BAZ1B: variants seen among roughly 807,000 people sequenced by gnomAD.
BAZ1B encodes tyrosine-protein kinase BAZ1B.
Under a neutral mutation model 153.8 loss-of-function variants are expected in BAZ1B, and 22 were observed. That is an observed-to-expected ratio of 0.14 (90% CI 0.10 to 0.20). The LOEUF (loss-of-function observed/expected upper bound fraction) is 0.20, where lower values mean the gene tolerates loss of function less well. BAZ1B is among the 10% of genes least tolerant of loss of function. The pLI is 1.00. For missense variants in BAZ1B, 1,325 were observed against 1,799.3 expected (o/e 0.74, Z 4.77); for synonymous variants, 676 against 633.4 (o/e 1.07, Z -1.01).
chr7:73,491,726 GTAAA>G lies in BAZ1B; in HGVS notation c.693+1070_693+1073del, dbSNP rs1165650059. On this transcript the variant is annotated intron_variant, in intron 5 of 19. Coordinates refer to ENST00000339594, the MANE Select transcript of BAZ1B (RefSeq NM_032408.4). ...CATTCTGAGGCAGGAACAAAACAATGTAAATAAAGAAGCAAAAGATTTGGGTTAC... is the reference window on the plus strand; with the variant it reads ...CATTCTGAGGCAGGAACAAAACAATGTAAAGAAGCAAAAGATTTGGGTTAC... Among the ~76,000 whole-genome samples, 4 of 152,262 alleles carry G rather than the reference GTAAA, an allele frequency of 2.6e-5. No homozygotes were observed. In the East Asian group the frequency reaches 5.8e-4, roughly 22 times the overall value.
chr7:73,490,007 C>T (rs1789572613), intron 5 of BAZ1B, among the ~76,000 whole-genome samples: 1 of 152,200 alleles, frequency 6.6e-6, no homozygotes, highest in South Asian at 2.1e-4. Context: ...GAGTTATTAC[C>T]TAAAGGTACA....
At chr7:73,507,091 G>A (rs1037777191) in intron 3 of BAZ1B, 54 of 151,576 alleles carry the variant, frequency 3.6e-4, no homozygotes, top group African/African-American at 1.2e-3. Flanking sequence ...TGTTAGCCAG[G>A]ATGGTCTCGA....
At chr7:73,518,600 G>A (rs1554579698) in intron 1 of BAZ1B, among the ~76,000 whole-genome samples, 1 of 152,114 alleles carries the variant, frequency 6.6e-6, no homozygotes, top group African/African-American at 2.4e-5. Flanking sequence ...CAGCTACTCT[G>A]GAGGCTGAGG....
Position 73,477,979 on chromosome 7 carries a change from G to C in BAZ1B, c.1482C>G (p.Ala494=). ...ENKDREDKRS[A]LSCVISKTAR... ...CTGTTTTGGAGATAACACAGGACAGGGCGCTCCTCTTGTCCTCCCTGTCTT... is the reference window on the plus strand; with the variant it reads ...CTGTTTTGGAGATAACACAGGACAGCGCGCTCCTCTTGTCCTCCCTGTCTT... The change falls in exon 7 of 20, where the codon GCC becomes GCG. Residue 494 remains alanine (A), a synonymous_variant. Coordinates refer to ENST00000339594, the MANE Select transcript of BAZ1B (RefSeq NM_032408.4). This position sits in a 1 kb window ranked among gnomAD's most constrained non-coding sequence, Gnocchi z 5.6. The C allele has an allele frequency of 6.2e-7, 1 of 1,614,072 alleles. No individual in the cohort carries two copies. The highest frequency in any genetic ancestry group is 8.5e-7 in the Non-Finnish European group (1 of 1,180,024).
At chr7:73,479,985 C>T (rs935192544) in intron 6 of BAZ1B, among the ~76,000 whole-genome samples, 4 of 151,872 alleles carry the variant, frequency 2.6e-5, no homozygotes, top group Admixed American at 1.3e-4. Flanking sequence ...CTGGCTAACA[C>T]GGTGAAACCC....
Sources: allele counts gnomAD v4.1 joint callset (sites outside exome capture counted in the v4.1 genomes callset), GRCh38; gene constraint gnomAD v4.1.1; non-coding constraint Gnocchi (gnomAD v3.1); transcripts MANE v1.5; gene names NCBI Gene and HGNC (gene_info 2026-07-23, HGNC 2026-07-21).